Variants in DLGAP2 observed in about 807,000 individuals in gnomAD.
The protein encoded by DLGAP2 is disks large-associated protein 2.
A neutral mutation model predicts 100.3 loss-of-function variants in DLGAP2; 26 were observed. That is an observed-to-expected ratio of 0.26 (90% CI 0.19 to 0.36). The LOEUF is 0.36. DLGAP2 is among the 10% of genes least tolerant of loss of function. The pLI is 1.00. For synonymous variants in DLGAP2, 886 were observed against 630.1 expected, an observed-to-expected ratio of 1.41 and a Z score of -6.08; for missense variants, 1,858 against 1,453.2, an observed-to-expected ratio of 1.28 and a Z score of -4.53.
chr8:952,909 T>G (rs953842279), intron 2 of DLGAP2, among the ~76,000 whole-genome samples: 3 of 152,210 alleles, frequency 2.0e-5, no homozygotes, highest in Non-Finnish European at 4.4e-5. Flanking sequence ...GCCATATTGA[T>G]AAACACTTTG....
At chr8:883,687 C>T (rs1195031399) in intron 1 of DLGAP2, among the ~76,000 whole-genome samples, 1 of 151,480 alleles carries the variant, frequency 6.6e-6, no homozygotes, top group African/African-American at 2.4e-5. Flanking sequence ...CGCGGCGGTT[C>T]GTTACGTAGG....
In DLGAP2 at chr8:1,182,781, A is replaced by G. The variant is rs752830532; in HGVS notation, c.74-76070A>G. On this transcript the variant is annotated intron_variant, in intron 2 of 14. Coordinates refer to ENST00000637795, the MANE Select transcript of DLGAP2 (RefSeq NM_001346810.2). ...CACTATCGAGTCCAGCGCGCATGTG[A>G]GAGGCAGGAAGGGAGAGTCCACGGG... Among the ~76,000 whole-genome samples the G allele has an allele frequency of 2.0e-5, 3 of 152,148 alleles. No individual in the cohort carries two copies. In the East Asian group the frequency reaches 5.8e-4, roughly 29 times the overall value.
chr8:1,083,073 C>A (rs2129039888), intron 2 of DLGAP2, among the ~76,000 whole-genome samples: 1 of 152,246 alleles, frequency 6.6e-6, no homozygotes, highest in South Asian at 2.1e-4. Context: ...GTCAGTCAAG[C>A]CAACAAGAGA....
intron 2 of DLGAP2, among the ~76,000 whole-genome samples, chr8:996,294 G>C (rs1800782508): frequency 6.6e-6 from 1 of 152,152 alleles, no homozygotes; most frequent in Non-Finnish European, 1.5e-5. Flanking sequence ...TCTTTCTGGG[G>C]GGGTCATTCC....
intron 2 of DLGAP2, among the ~76,000 whole-genome samples, chr8:1,176,652 C>T (rs1030928576): frequency 2.6e-5 from 4 of 152,080 alleles, no homozygotes; most frequent in African/African-American, 9.7e-5. Flanking sequence ...GGAGGCTGGG[C>T]GAGAGGGCAG....
chr8:788,654 A>T (rs976643598), intron 1 of DLGAP2, among the ~76,000 whole-genome samples: 1 of 152,368 alleles, frequency 6.6e-6, no homozygotes, highest in Admixed American at 6.5e-5. Flanking sequence ...TGCGAGAAGA[A>T]GCCCAGAGCG....
intron 2 of DLGAP2, among the ~76,000 whole-genome samples, chr8:1,254,971 C>CTGCCCGGGTGCTGTGTGTG (rs1343505234): frequency 6.7e-6 from 1 of 148,798 alleles, no homozygotes; most frequent in African/African-American, 2.5e-5. Context: ...TCCTCTCATC[C>CTGCCCGGGTGCTGTGTGTG]TGTCCGGGTG....
rs1563190958 is a variant in DLGAP2, at chr8:1,508,276, ATACCCCG to A, written c.172+6846_172+6852del. Among the ~76,000 whole-genome samples, 520 of 90,484 alleles carry A rather than the reference ATACCCCG, an allele frequency of 5.7e-3. 126 individuals carry two copies. Among genetic ancestry groups the A allele is most frequent in the African/African-American group, 0.022 (480 of 21,822 alleles). The allele number at this position is 90,484 out of a possible 152,430, so 59.4% of individuals were successfully genotyped here. A position where few individuals can be genotyped will look rare whatever the true frequency, so the allele number is the denominator to read the frequency against. On this transcript the variant is annotated intron_variant, in intron 4 of 14. Transcript: ENST00000637795. ...GCCTGCTCCCGGGCTGCCCCCTGCC[ATACCCCG>A]CAAACCCCCGCCACCCCCTGCAAAC...
chr8:843,533 G>T lies in DLGAP2; in HGVS notation c.19-64379G>T, dbSNP rs543771012. On this transcript the variant is annotated intron_variant, in intron 1 of 14. Coordinates refer to ENST00000637795, the MANE Select transcript of DLGAP2 (RefSeq NM_001346810.2). ...CTCTCCTGGGGTTCCACCGGGCCTG[G>T]CCTGTCCCTCACCAGCCACTGCCCC... is the stretch of plus-strand genomic sequence containing the variant. 2.6e-5 allele frequency among the ~76,000 whole-genome samples: 4 copies of T among 152,302 alleles called. No individual in the cohort carries two copies. The East Asian group carries it at 7.7e-4, about 30-fold the overall frequency.
At chr8:1,583,989 C>T (rs1796033859) in intron 6 of DLGAP2, among the ~76,000 whole-genome samples, 1 of 152,060 alleles carries the variant, frequency 6.6e-6, no homozygotes, top group African/African-American at 2.4e-5. Flanking sequence ...TGGGAAGGCT[C>T]CCTGGAGTTA....
At chr8:838,274 A>G (rs889904533) in intron 1 of DLGAP2, among the ~76,000 whole-genome samples, 4 of 152,194 alleles carry the variant, frequency 2.6e-5, no homozygotes, top group African/African-American at 9.6e-5. Context: ...CTCTTTCAGC[A>G]TAACGACTTC....
intron 3 of DLGAP2, chr8:1,296,188 C>T (rs56683528): frequency 0.069 from 10,525 of 152,110 alleles, 697 homozygotes; most frequent in African/African-American, 0.17. Context: ...TTTCGTGGCG[C>T]AGGTGGGCTG....
intron 3 of DLGAP2, among the ~76,000 whole-genome samples, chr8:1,344,426 T>G (rs1438109297): frequency 6.6e-6 from 1 of 152,170 alleles, no homozygotes; most frequent in African/African-American, 2.4e-5. Flanking sequence ...GCTCTCCAGA[T>G]TAGGTGGCCA....
At chr8:955,564 G>A (rs1584921580) in intron 2 of DLGAP2, among the ~76,000 whole-genome samples, 1 of 152,110 alleles carries the variant, frequency 6.6e-6, no homozygotes, top group South Asian at 2.1e-4. Flanking sequence ...GCCTTAACAG[G>A]GTTGCTGCAC....
chr8:1,258,150 C>T (rs2116902822), intron 2 of DLGAP2, among the ~76,000 whole-genome samples: 1 of 152,242 alleles, frequency 6.6e-6, no homozygotes, highest in African/African-American at 2.4e-5. Flanking sequence ...TAGTGTTTTC[C>T]TGAAAGATAA....
chr8:1,081,535 A>G (rs4735982), intron 2 of DLGAP2, among the ~76,000 whole-genome samples: 4,994 of 152,230 alleles, frequency 0.033, 227 homozygotes, highest in South Asian at 0.14. Flanking sequence ...TACTTGCAGT[A>G]GAGACAGGTT....
chr8:1,418,644 T>A (rs993412469), intron 3 of DLGAP2, among the ~76,000 whole-genome samples: 1 of 151,836 alleles, frequency 6.6e-6, no homozygotes, highest in African/African-American at 2.4e-5. Flanking sequence ...GCAAGAAAAA[T>A]TCCATTTTTT....
chr8:991,672 C>T (rs1380036181), intron 2 of DLGAP2, among the ~76,000 whole-genome samples: 1 of 5,810 alleles, frequency 1.7e-4, no homozygotes, highest in Non-Finnish European at 3.1e-4. Context: ...CCCCCTGCAC[C>T]CCCATACTCG....
At chr8:1,266,012 A>G (rs1263659955) in intron 3 of DLGAP2, among the ~76,000 whole-genome samples, 1 of 152,234 alleles carries the variant, frequency 6.6e-6, no homozygotes, top group Admixed American at 6.5e-5. Flanking sequence ...AGATATGCAA[A>G]GAAAAAAATG....
Sources: gnomAD v4.1 joint callset for allele counts (sites outside exome capture counted in the v4.1 genomes callset) on GRCh38, gnomAD v4.1.1 for gene constraint, MANE v1.5 for transcripts, NCBI Gene and HGNC (gene_info 2026-07-23, HGNC 2026-07-21) for gene names.